The following SPECC1 variants were observed in gnomAD, a reference collection of about 807,000 sequenced individuals.
The protein encoded by SPECC1 is sperm antigen with calponin homology and coiled-coil domains 1, also known as cytospin-B.
In SPECC1, 62 loss-of-function variants were observed where a neutral mutation model predicts 104.1. The observed-to-expected ratio is 0.60, with a 90% CI of 0.49 to 0.74. The LOEUF (loss-of-function observed/expected upper bound fraction) is 0.74. Among genes scored for constraint, SPECC1 ranks in the 30% least tolerant of loss-of-function variants. SPECC1 has a pLI of 0.00. For missense variants in SPECC1, 1,306 were observed against 1,310.5 expected (o/e 1.00, Z 0.05); for synonymous variants, 513 against 501.6 (o/e 1.02, Z -0.30).
intron 14 of SPECC1, among the ~76,000 whole-genome samples, chr17:20,312,489 TACAGA>T (rs1375372596): frequency 6.6e-6 from 1 of 152,228 alleles, no homozygotes; most frequent in Admixed American, 6.5e-5. Context: ...CTTTCCATAA[TACAGA>T]GGAAAGTGTG....
intron 14 of SPECC1, among the ~76,000 whole-genome samples, chr17:20,308,901 AC>A (rs1411664200): frequency 5.3e-5 from 8 of 152,232 alleles, no homozygotes; most frequent in African/African-American, 1.9e-4. Context: ...TACACAGAAT[AC>A]ATTTTTCTTT....
At chr17:20,021,019 T>C (rs1473588011) in intron 1 of SPECC1, among the ~76,000 whole-genome samples, 2 of 152,190 alleles carry the variant, frequency 1.3e-5, no homozygotes, top group Non-Finnish European at 2.9e-5. Context: ...GCGTGTGATG[T>C]GTATTATGTA....
intron 3 of SPECC1, among the ~76,000 whole-genome samples, chr17:20,196,395 G>T (rs1217007577): frequency 6.6e-6 from 1 of 152,208 alleles, no homozygotes; most frequent in Non-Finnish European, 1.5e-5. Context: ...CTCCAGCATA[G>T]CTAGGGGGCA....
intron 7 of SPECC1, chr17:20,236,953 AG>A (rs760466130): frequency 1.2e-6 from 2 of 1,611,000 alleles, no homozygotes; most frequent in Middle Eastern, 1.7e-4. Context: ...TCTAGATGAA[AG>A]GGGGAATGTG....
chr17:20,275,582 G>T (rs2040549652), intron 12 of SPECC1, among the ~76,000 whole-genome samples: 1 of 152,210 alleles, frequency 6.6e-6, no homozygotes, highest in African/African-American at 2.4e-5. Context: ...TAGAAGTTGG[G>T]AAACCTTTCA....
intron 12 of SPECC1, among the ~76,000 whole-genome samples, chr17:20,296,092 G>T (rs2041340843): frequency 6.6e-6 from 1 of 152,180 alleles, no homozygotes; most frequent in Non-Finnish European, 1.5e-5. Flanking sequence ...TGAAGTCCTT[G>T]CCCATGCCTA....
At chr17:20,256,098 C>T (rs1194658686) in intron 10 of SPECC1, among the ~76,000 whole-genome samples, 2 of 151,762 alleles carry the variant, frequency 1.3e-5, no homozygotes, top group Non-Finnish European at 2.9e-5. Flanking sequence ...AGGATGGTCT[C>T]GATCTCCTGA....
At chr17:20,034,333 GT>G (rs1367179509) in intron 1 of SPECC1, among the ~76,000 whole-genome samples, 3 of 151,962 alleles carry the variant, frequency 2.0e-5, no homozygotes, top group African/African-American at 7.2e-5. Flanking sequence ...TCCTGACCGT[GT>G]GATCCACCTG....
intron 4 of SPECC1, among the ~76,000 whole-genome samples, chr17:20,221,287 T>G (rs1417341076): frequency 2.0e-5 from 3 of 152,200 alleles, no homozygotes; most frequent in African/African-American, 7.2e-5. Context: ...AACCATTGGG[T>G]CCTGGGCATT....
intron 3 of SPECC1, among the ~76,000 whole-genome samples, chr17:20,157,856 G>A (rs2032743220): frequency 6.6e-6 from 1 of 152,214 alleles, no homozygotes; most frequent in African/African-American, 2.4e-5. Flanking sequence ...AAGAGATGGT[G>A]TCTCACTATG....
At chr17:20,215,184 A>T (rs1436827619) in intron 4 of SPECC1, among the ~76,000 whole-genome samples, 4 of 152,174 alleles carry the variant, frequency 2.6e-5, no homozygotes, top group Admixed American at 2.6e-4. Flanking sequence ...AAGCTGTAGA[A>T]ATATGTCTAG....
At chr17:20,119,693 G>A (rs1254018087) in intron 3 of SPECC1, among the ~76,000 whole-genome samples, 3 of 152,206 alleles carry the variant, frequency 2.0e-5, no homozygotes, top group African/African-American at 7.2e-5. Context: ...GGTATGCAGT[G>A]CCTGTCTGTT....
At position 20,123,538 on chromosome 17, in the gene SPECC1, ACT is replaced by A. The variant is rs113881044; in HGVS notation, c.283+12979_283+12980del. Among the ~76,000 whole-genome samples, 41 of 152,140 alleles carry A rather than the reference ACT, an allele frequency of 2.7e-4. 1 individual carries two copies. Among genetic ancestry groups the A allele is most frequent in the African/African-American group, 9.6e-4 (40 of 41,454 alleles). ...TCCTCTCTGACATGAGGAGGGAATA[ACT>A]CTGTCCTCTCTGACATGAGGAGGGG... is the stretch of plus-strand genomic sequence containing the variant. On this transcript the variant is annotated intron_variant, in intron 3 of 14. Coordinates refer to ENST00000395527, the MANE Select transcript of SPECC1 (RefSeq NM_001243439.2).
chr17:20,174,716 T>A (rs992337604), intron 3 of SPECC1, among the ~76,000 whole-genome samples: 1 of 152,126 alleles, frequency 6.6e-6, no homozygotes, highest in Admixed American at 6.5e-5. Flanking sequence ...ACCGAGTATT[T>A]TCTTCTTTCA....
chr17:20,299,953 T>C (rs532764320), intron 13 of SPECC1, among the ~76,000 whole-genome samples: 3 of 152,320 alleles, frequency 2.0e-5, no homozygotes, highest in African/African-American at 2.4e-5. Flanking sequence ...GGGAATGTTG[T>C]GTATCTGCAC....
rs2042050739 is a variant in SPECC1 at position 20,317,089 on chromosome 17, G to A, written c.*3024G>A. On this transcript the variant is annotated 3_prime_UTR_variant, in exon 15 of 15. Transcript: ENST00000395527. The stretch of plus-strand genomic sequence containing the variant: ...TTTTTTATTTGCCAGTGGTGTGCAT[G>A]TAGAAGAGGAATGCCATGTCCTGTC... 1.1e-5 allele frequency: 2 copies of A among 185,400 alleles called. No homozygotes were observed. The allele number at this position is 185,400 out of a possible 1,614,324, so 11.5% of individuals were successfully genotyped here.
rs184670331 is a variant in SPECC1 at position 20,146,329 on chromosome 17, G to A, written c.283+35767G>A. ...TGAAAAGAAGTGGCCTTTTCAGACCGGCTTCTTTCACTTAGCAGTATGCAT... is the reference window on the plus strand; with the variant it reads ...TGAAAAGAAGTGGCCTTTTCAGACCAGCTTCTTTCACTTAGCAGTATGCAT... On this transcript the variant is annotated intron_variant, in intron 3 of 14. Coordinates refer to ENST00000395527, the MANE Select transcript of SPECC1 (RefSeq NM_001243439.2). Among the ~76,000 whole-genome samples, 215 of 152,224 alleles carry A rather than the reference G, an allele frequency of 1.4e-3. 2 individuals are homozygous for A. The highest frequency in any genetic ancestry group is 4.7e-3 in the African/African-American group (196 of 41,536).
chr17:20,069,619 C>T (rs935312101), intron 1 of SPECC1, among the ~76,000 whole-genome samples: 19 of 151,924 alleles, frequency 1.3e-4, no homozygotes, highest in African/African-American at 4.4e-4. Context: ...GTCCTAGCAT[C>T]CTTGTTGAAA....
intron 1 of SPECC1, among the ~76,000 whole-genome samples, chr17:20,060,344 T>C (rs2046138453): frequency 6.6e-6 from 1 of 152,138 alleles, no homozygotes; most frequent in Admixed American, 6.6e-5. Context: ...TTCAGAAGCT[T>C]CATAAATGCT....
Sources: gnomAD v4.1 joint callset for allele counts (sites outside exome capture counted in the v4.1 genomes callset) on GRCh38, gnomAD v4.1.1 for gene constraint, MANE v1.5 for transcripts, NCBI Gene and HGNC (gene_info 2026-07-23, HGNC 2026-07-21) for gene names.